The following CNTN4 variants were observed in gnomAD, a reference collection of about 807,000 sequenced individuals.
The protein encoded by CNTN4 is contactin-4.
In CNTN4, 77 loss-of-function variants were observed where a neutral mutation model predicts 122.5. The ratio of observed to expected loss-of-function variants is 0.63; its 90% CI spans 0.52 to 0.76. CNTN4 has a LOEUF of 0.76. Ranked by LOEUF, CNTN4 falls within the 30% of genes least tolerant of loss-of-function variation. The pLI, the probability that CNTN4 is intolerant of heterozygous loss-of-function variation, is 0.00. For synonymous variants in CNTN4, 512 were observed against 447.0 expected (o/e 1.15, Z -1.83); for missense variants, 1,256 against 1,259.1 (o/e 1.00, Z 0.04).
At position 2,236,524 on chromosome 3, in the gene CNTN4, A is replaced by T. The variant is rs569719000; in HGVS notation, c.-144-102654A>T. 2.0e-5 allele frequency among the ~76,000 whole-genome samples: 3 copies of T among 152,320 alleles called. No individual in the cohort carries two copies. The South Asian group carries it at 6.2e-4, about 32-fold the overall frequency. On this transcript the variant is annotated intron_variant, in intron 2 of 24. Coordinates refer to ENST00000418658, the MANE Select transcript of CNTN4 (RefSeq NM_175607.3). ...ATTGAACTACATGTGAAGAGTAAAT[A>T]GTTTTGTTTTGTTTTAGTCTTCAGG... is the stretch of plus-strand genomic sequence containing the variant.
At chr3:2,479,024 A>C (rs894054141) in intron 3 of CNTN4, among the ~76,000 whole-genome samples, 4 of 151,920 alleles carry the variant, frequency 2.6e-5, no homozygotes, top group Non-Finnish European at 5.9e-5. Context: ...ATATTCTCTT[A>C]TTTAAGCTTT....
At chr3:2,951,054 A>G (rs2094737153) in intron 13 of CNTN4, among the ~76,000 whole-genome samples, 2 of 152,232 alleles carry the variant, frequency 1.3e-5, no homozygotes, top group Non-Finnish European at 2.9e-5. Flanking sequence ...AATGGTGATA[A>G]TAATGGTAAC....
intron 13 of CNTN4, among the ~76,000 whole-genome samples, chr3:2,967,642 T>A (rs1692455826): frequency 6.6e-6 from 1 of 152,154 alleles, no homozygotes; most frequent in Non-Finnish European, 1.5e-5. Context: ...GTCAGATCGC[T>A]TTTCACTGTC....
chr3:2,215,999 G>C (rs546870048), intron 2 of CNTN4, among the ~76,000 whole-genome samples: 2 of 149,772 alleles, frequency 1.3e-5, no homozygotes, highest in Admixed American at 6.7e-5. Context: ...AGAACTAAAA[G>C]CAGAACTACC....
chr3:2,698,754 T>A (rs1401532277), intron 4 of CNTN4, among the ~76,000 whole-genome samples: 2 of 152,186 alleles, frequency 1.3e-5, no homozygotes, highest in Non-Finnish European at 2.9e-5. Flanking sequence ...AGAGTCTGTT[T>A]TAAGAGCCTG....
chr3:2,398,387 G>C (rs13064000), intron 3 of CNTN4, among the ~76,000 whole-genome samples: 125 of 152,000 alleles, frequency 8.2e-4, no homozygotes, highest in African/African-American at 2.8e-3. Context: ...TCATCAGAAT[G>C]GCAATTACTT....
At chr3:2,522,193 A>G (rs1306264568) in intron 3 of CNTN4, among the ~76,000 whole-genome samples, 1 of 143,310 alleles carries the variant, frequency 7.0e-6, no homozygotes, top group Non-Finnish European at 1.6e-5. Context: ...GTGTGTGTGA[A>G]TAATTAATAT....
intron 7 of CNTN4, among the ~76,000 whole-genome samples, chr3:2,844,504 A>C (rs1160674967): frequency 6.6e-6 from 1 of 152,128 alleles, no homozygotes; most frequent in Admixed American, 6.5e-5. Context: ...GGACGCCTCG[A>C]TGGAAAAGTT....
intron 3 of CNTN4, among the ~76,000 whole-genome samples, chr3:2,468,967 A>G (rs1437667794): frequency 6.6e-6 from 1 of 152,202 alleles, no homozygotes; most frequent in Non-Finnish European, 1.5e-5. Context: ...GTGTCAAAGT[A>G]CATAAGCATC....
At chr3:2,290,665 T>A (rs2042100291) in intron 2 of CNTN4, among the ~76,000 whole-genome samples, 1 of 152,058 alleles carries the variant, frequency 6.6e-6, no homozygotes, top group Non-Finnish European at 1.5e-5. Flanking sequence ...CTACACAGGG[T>A]CTTAGAGCAT....
At chr3:2,143,252 C>A (rs1370237238) in intron 2 of CNTN4, among the ~76,000 whole-genome samples, 2 of 152,090 alleles carry the variant, frequency 1.3e-5, no homozygotes, top group East Asian at 3.9e-4. Context: ...TTCAGGTTGT[C>A]TTATTCTATT....
intron 7 of CNTN4, among the ~76,000 whole-genome samples, chr3:2,821,318 C>T (rs2092865838): frequency 6.6e-6 from 1 of 152,264 alleles, no homozygotes; most frequent in Non-Finnish European, 1.5e-5. Flanking sequence ...AGGATGTCTT[C>T]CAGGACTCAT....
At chr3:2,390,998 C>G (rs751011115) in intron 3 of CNTN4, among the ~76,000 whole-genome samples, 1 of 152,156 alleles carries the variant, frequency 6.6e-6, no homozygotes, top group Non-Finnish European at 1.5e-5. Flanking sequence ...TGGTTATTAT[C>G]TGGCATAAAA....
chr3:2,232,553 C>T (rs537808045), intron 2 of CNTN4, among the ~76,000 whole-genome samples: 39 of 152,078 alleles, frequency 2.6e-4, no homozygotes, highest in Non-Finnish European at 4.6e-4. Flanking sequence ...AACAGGCTGT[C>T]TAAAAACTAT....
intron 14 of CNTN4, among the ~76,000 whole-genome samples, chr3:3,006,689 A>G (rs1696685078): frequency 1.3e-5 from 2 of 152,232 alleles, no homozygotes; most frequent in African/African-American, 2.4e-5. Context: ...TCAATGGGGC[A>G]TAGTGAAAGG....
At chr3:2,392,595 C>G (rs964742150) in intron 3 of CNTN4, among the ~76,000 whole-genome samples, 1 of 152,076 alleles carries the variant, frequency 6.6e-6, no homozygotes, top group African/African-American at 2.4e-5. Context: ...GTGATTAAAT[C>G]AGGATAATTA....
chr3:2,703,602 T>A (rs1407547054), intron 4 of CNTN4, among the ~76,000 whole-genome samples: 1 of 152,132 alleles, frequency 6.6e-6, no homozygotes, highest in African/African-American at 2.4e-5. Flanking sequence ...AATCTAGAAA[T>A]TCCACATATT....
intron 3 of CNTN4, among the ~76,000 whole-genome samples, chr3:2,558,095 T>C (rs115042171): frequency 0.013 from 2,030 of 152,350 alleles, 26 homozygotes; most frequent in Middle Eastern, 0.041. Flanking sequence ...GCTAGAAAAT[T>C]ATTTATGCAC....
At position 2,373,091 on chromosome 3, in the gene CNTN4, C is replaced by T. The variant is rs890842954; in HGVS notation, c.-89+33858C>T. Among the ~76,000 whole-genome samples the T allele has an allele frequency of 3.3e-5, 5 of 150,624 alleles. No homozygotes were observed. The South Asian group carries it at 1.1e-3, about 32-fold the overall frequency. On this transcript the variant is annotated intron_variant, in intron 3 of 24. Transcript: ENST00000418658. The stretch of plus-strand genomic sequence containing the variant: ...GATAAATAGATTGACCTGAAAAGGG[C>T]TTTGTTTCTAATCCCCCTGGGGTTC...
Sources: gnomAD v4.1 joint callset for allele counts (sites outside exome capture counted in the v4.1 genomes callset) on GRCh38, gnomAD v4.1.1 for gene constraint, MANE v1.5 for transcripts, NCBI Gene and HGNC (gene_info 2026-07-23, HGNC 2026-07-21) for gene names.